PCSK5: variants seen among roughly 807,000 people sequenced by gnomAD.
PCSK5 encodes prohormone convertase 5.
In PCSK5, 129 loss-of-function variants were observed where a neutral mutation model predicts 233.2. The ratio of observed to expected loss-of-function variants is 0.55; its 90% CI spans 0.48 to 0.64. The LOEUF (loss-of-function observed/expected upper bound fraction) is 0.64, where lower values mean the gene tolerates loss of function less well. PCSK5 is among the 30% of genes least tolerant of loss of function. PCSK5 has a pLI of 0.00. For synonymous variants in PCSK5, 825 were observed against 879.2 expected (o/e 0.94, Z 1.09); for missense variants, 2,076 against 2,430.1 (o/e 0.85, Z 3.06).
At chr9:75,889,958 T>C (rs1186359436), upstream of PCSK5, among the ~76,000 whole-genome samples, 1 of 152,216 alleles carries the variant, frequency 6.6e-6, no homozygotes, top group Non-Finnish European at 1.5e-5. Context: ...GAAGCCCTCG[T>C]CAGACGCAAT....
intron 20 of PCSK5, among the ~76,000 whole-genome samples, chr9:76,199,226 G>T (rs769711876): frequency 7.2e-5 from 11 of 152,136 alleles, no homozygotes; most frequent in Non-Finnish European, 1.6e-4. Context: ...GTATGGGATG[G>T]CTTATTGCTT....
chr9:76,123,220 T>C (rs566445858), intron 9 of PCSK5, among the ~76,000 whole-genome samples: 1 of 152,304 alleles, frequency 6.6e-6, no homozygotes, highest in African/African-American at 2.4e-5. Context: ...TTATTTTAGA[T>C]AGCACTTTGT....
chr9:76,202,041 A>ATGGTT (rs1824934636), intron 20 of PCSK5, among the ~76,000 whole-genome samples: 2 of 152,230 alleles, frequency 1.3e-5, no homozygotes, highest in Non-Finnish European at 2.9e-5. Context: ...ATATAATAAA[A>ATGGTT]GCTAAACTAT....
intron 24 of PCSK5, among the ~76,000 whole-genome samples, chr9:76,249,000 C>A (rs1564134159): frequency 6.6e-6 from 1 of 152,174 alleles, no homozygotes; most frequent in Non-Finnish European, 1.5e-5. Context: ...TGGCCTCAAG[C>A]AGTCCTCCCA....
At chr9:76,170,154 C>T (rs1390175484) in intron 13 of PCSK5, among the ~76,000 whole-genome samples, 1 of 152,214 alleles carries the variant, frequency 6.6e-6, no homozygotes, top group Non-Finnish European at 1.5e-5. Context: ...GCCAGCCTGT[C>T]CACCGGCACT....
chr9:76,107,915 A>G (rs1022247697), intron 9 of PCSK5, among the ~76,000 whole-genome samples: 13 of 152,320 alleles, frequency 8.5e-5, no homozygotes, highest in Middle Eastern at 3.4e-3. Flanking sequence ...TTTTTTCTCT[A>G]AGAACAAATA....
intron 5 of PCSK5, among the ~76,000 whole-genome samples, chr9:76,061,079 G>T (rs1830012366): frequency 6.6e-6 from 1 of 151,884 alleles, no homozygotes; most frequent in African/African-American, 2.4e-5. Flanking sequence ...ATTTATAAAT[G>T]GTGTGTTTCA....
rs140537562 is a variant in PCSK5 at position 76,020,871 on chromosome 9, T to G, written c.412-2867T>G. ...CACCTCTTGGCCACATTAACATGAC[T>G]TCATGTCACAATCGATACCGCAGGT... On this transcript the variant is annotated intron_variant, in intron 3 of 37. Transcript: ENST00000674117. Among the ~76,000 whole-genome samples, 36 of 152,266 alleles carry G rather than the reference T, an allele frequency of 2.4e-4. No homozygotes were observed. The East Asian group carries it at 6.9e-3, about 29-fold the overall frequency.
intron 1 of PCSK5, among the ~76,000 whole-genome samples, chr9:75,906,707 T>C (rs1040090198): frequency 6.6e-6 from 1 of 152,146 alleles, no homozygotes; most frequent in Non-Finnish European, 1.5e-5. Flanking sequence ...TAAGGCTTAA[T>C]TTTGGTGATG....
chr9:76,298,747 A>T (rs1828520339), intron 27 of PCSK5, among the ~76,000 whole-genome samples: 1 of 152,216 alleles, frequency 6.6e-6, no homozygotes, highest in African/African-American at 2.4e-5. Flanking sequence ...AGCAGATTGC[A>T]GTCATCCTGG....
chr9:75,976,274 C>CCACACACACA (rs10562995), intron 2 of PCSK5, among the ~76,000 whole-genome samples: 89 of 141,590 alleles, frequency 6.3e-4, no homozygotes, highest in African/African-American at 1.9e-3. Flanking sequence ...CACACAGACA[C>CCACACACACA]CACACACACA....
chr9:76,360,079 C>T lies in PCSK5; in HGVS notation c.*1157C>T, dbSNP rs1406176960. 1 of 152,166 alleles carries T rather than the reference C, an allele frequency of 6.6e-6. No homozygotes were observed. Among genetic ancestry groups the T allele is most frequent in the African/African-American group, 2.4e-5 (1 of 41,436 alleles). The allele number at this position is 152,166 out of a possible 1,614,324, so 9.4% of individuals were successfully genotyped here. On this transcript the variant is annotated 3_prime_UTR_variant, in exon 38 of 38. Coordinates refer to ENST00000674117, the MANE Select transcript of PCSK5 (RefSeq NM_001372043.1). ...GTCCAGATTGTAACACAGAGAAGGG[C>T]TCTTGCTATGCAAAATGATGTTGGC... is the stretch of plus-strand genomic sequence containing the variant.
At chr9:75,982,471 C>T (rs1037551365) in intron 2 of PCSK5, among the ~76,000 whole-genome samples, 1 of 152,172 alleles carries the variant, frequency 6.6e-6, no homozygotes, top group African/African-American at 2.4e-5. Flanking sequence ...AGTATGTTAT[C>T]AACCTTTAGA....
intron 10 of PCSK5, among the ~76,000 whole-genome samples, chr9:76,152,533 G>C (rs1004357209): frequency 3.3e-5 from 5 of 152,106 alleles, no homozygotes; most frequent in Non-Finnish European, 5.9e-5. Flanking sequence ...CTGTGTTTTA[G>C]CAGAAAGGTC....
At chr9:76,255,764 G>T (rs1191637572) in intron 24 of PCSK5, among the ~76,000 whole-genome samples, 1 of 152,130 alleles carries the variant, frequency 6.6e-6, no homozygotes, top group Non-Finnish European at 1.5e-5. Flanking sequence ...GATCCCGGGA[G>T]GCTGAGGCTG....
At chr9:75,923,936 C>G (rs1404784549) in intron 1 of PCSK5, among the ~76,000 whole-genome samples, 1 of 152,194 alleles carries the variant, frequency 6.6e-6, no homozygotes, top group Non-Finnish European at 1.5e-5. Context: ...TTCTTTCTGA[C>G]TTCTCCTTTG....
chr9:76,069,036 C>G (rs534028697), intron 6 of PCSK5, among the ~76,000 whole-genome samples: 1 of 152,162 alleles, frequency 6.6e-6, no homozygotes, highest in Non-Finnish European at 1.5e-5. Flanking sequence ...CTTTCTGAAA[C>G]TACCTTGAAT....
At chr9:76,045,336 T>G (rs1175631079) in intron 5 of PCSK5, among the ~76,000 whole-genome samples, 1 of 152,192 alleles carries the variant, frequency 6.6e-6, no homozygotes, top group Non-Finnish European at 1.5e-5. Context: ...CAGTGATTAT[T>G]TCAACATTCT....
chr9:75,993,615 C>A (rs1271475270), intron 3 of PCSK5, among the ~76,000 whole-genome samples: 1 of 152,146 alleles, frequency 6.6e-6, no homozygotes, highest in African/African-American at 2.4e-5. Flanking sequence ...ACCTACAAAT[C>A]TGGTAAATCA....
Sources: allele counts gnomAD v4.1 joint callset (sites outside exome capture counted in the v4.1 genomes callset), GRCh38; gene constraint gnomAD v4.1.1; transcripts MANE v1.5; gene names NCBI Gene and HGNC (gene_info 2026-07-23, HGNC 2026-07-21).